The following VEPH1 variants were observed in gnomAD, a reference collection of about 807,000 sequenced individuals.
VEPH1 encodes the protein ventricular zone expressed PH domain containing 1.
VEPH1 carries 80 observed loss-of-function variants against 85.2 expected under a neutral mutation model. That is an observed-to-expected ratio of 0.94 (90% CI 0.78 to 1.13). The LOEUF (loss-of-function observed/expected upper bound fraction) is 1.13, where lower values mean the gene tolerates loss of function less well. VEPH1 is among the 50% of genes most tolerant of loss of function. The pLI, the probability that VEPH1 is intolerant of heterozygous loss-of-function variation, is 0.00. For synonymous variants in VEPH1, 297 were observed against 348.0 expected (o/e 0.85, Z 1.63); for missense variants, 955 against 980.5 (o/e 0.97, Z 0.35).
chr3:157,486,546 T>C (rs1434466097), intron 2 of VEPH1, among the ~76,000 whole-genome samples: 1 of 151,932 alleles, frequency 6.6e-6, no homozygotes, highest in Non-Finnish European at 1.5e-5. Context: ...GAACTCACAT[T>C]CTGGGCTTGA....
intron 2 of VEPH1, among the ~76,000 whole-genome samples, chr3:157,494,155 T>C (rs981277873): frequency 6.6e-6 from 1 of 152,204 alleles, no homozygotes; most frequent in Non-Finnish European, 1.5e-5. Flanking sequence ...AGCATGTTAA[T>C]GGCAGCCAGC....
At chr3:157,438,756 T>C (rs932264759) in intron 4 of VEPH1, among the ~76,000 whole-genome samples, 1 of 152,158 alleles carries the variant, frequency 6.6e-6, no homozygotes, top group Non-Finnish European at 1.5e-5. Context: ...TAATACATTC[T>C]AAAGATGGTT....
Position 157,430,113 on chromosome 3 carries a change from G to A in VEPH1, c.530-1625C>T, listed in dbSNP as rs552722432. ...GCAATAATATAAGGAACATTGGTGTGCCTACCAACCAGATTTGTCAAAACT... is the reference window on the plus strand; with the variant it reads ...GCAATAATATAAGGAACATTGGTGTACCTACCAACCAGATTTGTCAAAACT... On this transcript the variant is annotated intron_variant, in intron 4 of 13. Transcript: ENST00000362010. Among the ~76,000 whole-genome samples, 353 of 152,270 alleles carry A rather than the reference G, an allele frequency of 2.3e-3. 1 individual carries two copies. The highest frequency in any genetic ancestry group is 6.8e-3 in the Middle Eastern group (2 of 294).
chr3:157,496,240 A>G (rs1381293986), intron 1 of VEPH1, among the ~76,000 whole-genome samples: 1 of 152,244 alleles, frequency 6.6e-6, no homozygotes, highest in Non-Finnish European at 1.5e-5. Context: ...GAAGTAATAA[A>G]GTCCCACTAT....
At chr3:157,317,027 C>T (rs773907831) in intron 10 of VEPH1, 35 bp downstream of exon 10, 24 of 1,591,138 alleles carry the variant, frequency 1.5e-5, no homozygotes, top group Non-Finnish European at 2.0e-5. Context: ...CCCAGAAGCT[C>T]ATTAAAGAGC....
At chr3:157,299,452 A>G (rs1160998681) in intron 11 of VEPH1, among the ~76,000 whole-genome samples, 1 of 149,680 alleles carries the variant, frequency 6.7e-6, no homozygotes, top group Non-Finnish European at 1.5e-5. Flanking sequence ...GCCAACTACT[A>G]GGGAGGCTGA....
At chr3:157,301,153 T>C (rs1447324477) in intron 11 of VEPH1, among the ~76,000 whole-genome samples, 1 of 152,196 alleles carries the variant, frequency 6.6e-6, no homozygotes, top group African/African-American at 2.4e-5. Flanking sequence ...CCACGGAGCA[T>C]GCTGTAAACA....
intron 4 of VEPH1, among the ~76,000 whole-genome samples, chr3:157,454,517 T>C (rs1229755507): frequency 2.0e-5 from 3 of 152,172 alleles, no homozygotes; most frequent in African/African-American, 7.2e-5. Context: ...ATTAAAGTAT[T>C]AATTTGTTGG....
At chr3:157,390,857 A>C (rs1314317459) in intron 6 of VEPH1, among the ~76,000 whole-genome samples, 2 of 152,220 alleles carry the variant, frequency 1.3e-5, no homozygotes, top group African/African-American at 4.8e-5. Flanking sequence ...CCTGAGCCAG[A>C]GCTGTGACAC....
At chr3:157,333,630 A>T (rs1258341456) in intron 9 of VEPH1, among the ~76,000 whole-genome samples, 1 of 152,250 alleles carries the variant, frequency 6.6e-6, no homozygotes. Context: ...GTGGAAGCCC[A>T]TATGGTAGAA....
At chr3:157,381,028 T>A in intron 7 of VEPH1, 128 bp downstream of exon 7, 1 of 886,472 alleles carries the variant, frequency 1.1e-6, no homozygotes, top group South Asian at 1.7e-5. Context: ...CCATAATTTA[T>A]ACAGATATTA....
intron 11 of VEPH1, among the ~76,000 whole-genome samples, chr3:157,305,343 C>G (rs1406628119): frequency 2.6e-5 from 4 of 151,830 alleles, no homozygotes. Context: ...ATCTCCTGAC[C>G]TCGTGATCCG....
At chr3:157,386,955 A>T (rs528475959) in intron 6 of VEPH1, among the ~76,000 whole-genome samples, 3 of 152,322 alleles carry the variant, frequency 2.0e-5, no homozygotes, top group East Asian at 3.9e-4. Flanking sequence ...GTGTCCATGG[A>T]CCATGCTGAG....
intron 12 of VEPH1, chr3:157,286,321 T>C: frequency 2.0e-6 from 1 of 493,542 alleles, no homozygotes; most frequent in African/African-American, 1.9e-5. Flanking sequence ...CTGATACTGC[T>C]TCCTTGATAA....
chr3:157,345,483 T>G (rs916665231), intron 9 of VEPH1, among the ~76,000 whole-genome samples: 3 of 152,066 alleles, frequency 2.0e-5, no homozygotes, highest in African/African-American at 7.2e-5. Context: ...CAATGAGATA[T>G]CATCTCACAC....
intron 4 of VEPH1, chr3:157,437,839 C>G: frequency 6.7e-7 from 1 of 1,495,690 alleles, no homozygotes; most frequent in Non-Finnish European, 8.8e-7. Context: ...GGCCGCGGTG[C>G]TAGAGGAGCT....
intron 2 of VEPH1, among the ~76,000 whole-genome samples, chr3:157,481,159 T>G (rs1254382475): frequency 6.6e-6 from 1 of 152,088 alleles, no homozygotes; most frequent in Non-Finnish European, 1.5e-5. Context: ...TTTTTGCATG[T>G]CGAATTGTTT....
intron 3 of VEPH1, among the ~76,000 whole-genome samples, chr3:157,467,236 T>A (rs572481080): frequency 4.5e-4 from 68 of 152,002 alleles, no homozygotes; most frequent in Non-Finnish European, 7.9e-4. Context: ...AAGAAATGAC[T>A]GGGCCTCTGC....
intron 2 of VEPH1, among the ~76,000 whole-genome samples, chr3:157,473,634 A>C (rs1403717474): frequency 6.6e-6 from 1 of 152,186 alleles, no homozygotes; most frequent in Admixed American, 6.5e-5. Context: ...ATGGTCCAGA[A>C]AAACAAACAA....
Sources: gnomAD v4.1 joint callset for allele counts (sites outside exome capture counted in the v4.1 genomes callset) on GRCh38, gnomAD v4.1.1 for gene constraint, MANE v1.5 for transcripts, NCBI Gene and HGNC (gene_info 2026-07-23, HGNC 2026-07-21) for gene names.